RAE1: variants seen among roughly 807,000 people sequenced by gnomAD.
RAE1 encodes the protein ribonucleic acid export 1.
In RAE1, 13 loss-of-function variants were observed where a neutral mutation model predicts 52.7. The ratio of observed to expected loss-of-function variants is 0.25; its 90% confidence interval spans 0.16 to 0.39. RAE1 has a LOEUF of 0.39. Ranked by LOEUF, RAE1 falls within the 10% of genes least tolerant of loss-of-function variation. RAE1 has a pLI of 1.00. For missense variants in RAE1, 262 were observed against 459.8 expected (o/e 0.57, Z 3.93); for synonymous variants, 164 against 153.1 (o/e 1.07, Z -0.52).
intron 1 of RAE1, chr20:57,352,033 G>C (rs569139563): frequency 2.1e-6 from 2 of 939,576 alleles, no homozygotes; most frequent in Non-Finnish European, 2.5e-6. Context: ...AGCATTCTGG[G>C]GGGGAAGAGA....
rs902784551 is a variant in RAE1 at position 57,365,036 on chromosome 20, T to G, written c.289-320T>G. Among the ~76,000 whole-genome samples the G allele has an allele frequency of 1.3e-4, 20 of 152,144 alleles. 1 individual carries two copies. Among genetic ancestry groups the G allele is most frequent in the Non-Finnish European group, 1.5e-5 (1 of 68,034 alleles). On this transcript the variant is annotated intron_variant, in intron 4 of 11. Transcript: ENST00000395841. ...AATTTTATCAAAATAAGAAAAAAAT[T>G]TTAAAGTGGTCCATGGTTGCTGCTG...
At chr20:57,366,510 AG>A (rs1430953254) in intron 5 of RAE1, among the ~76,000 whole-genome samples, 1 of 152,214 alleles carries the variant, frequency 6.6e-6, no homozygotes, top group African/African-American at 2.4e-5. Context: ...CAGATCTCAG[AG>A]AACTCACTAT....
At chr20:57,361,006 C>T (rs1234704105) in intron 4 of RAE1, among the ~76,000 whole-genome samples, 1 of 152,044 alleles carries the variant, frequency 6.6e-6, no homozygotes, top group East Asian at 1.9e-4. Context: ...TTTGTGGACC[C>T]ATCTAGACAT....
intron 10 of RAE1, 145 bp from the exon 11 acceptor site, chr20:57,374,462 A>C: frequency 1.3e-6 from 1 of 780,246 alleles, no homozygotes; most frequent in Non-Finnish European, 2.1e-6. Context: ...AAGCCTGGAT[A>C]GTTTCTCTTG....
intron 1 of RAE1, chr20:57,352,113 C>A: frequency 2.4e-6 from 1 of 420,810 alleles, no homozygotes; most frequent in Non-Finnish European, 3.2e-6. Context: ...GGCAAAGAAG[C>A]GTCTGAGGAG....
intron 1 of RAE1, among the ~76,000 whole-genome samples, chr20:57,353,629 C>T (rs1389481480): frequency 6.6e-6 from 1 of 152,206 alleles, no homozygotes; most frequent in Admixed American, 6.5e-5. Context: ...AGCACGGGGA[C>T]CTGCGATCTT....
At chr20:57,366,728 C>A in intron 5 of RAE1, 79 bp from the exon 6 acceptor site, 3 of 1,357,882 alleles carry the variant, frequency 2.2e-6, no homozygotes, top group Non-Finnish European at 3.1e-6. Flanking sequence ...AGTTTCTTCC[C>A]TTTGAATTGC....
intron 7 of RAE1, among the ~76,000 whole-genome samples, chr20:57,367,826 C>T (rs147614430): frequency 2.1e-4 from 32 of 151,780 alleles, no homozygotes; most frequent in African/African-American, 7.2e-4. Context: ...CCAACAATCC[C>T]GTAATTCCAC....
rs758746839 is a variant in RAE1 at position 57,366,827 on chromosome 20, C to T, written c.396C>T (p.Thr132=). ...GAAAGCATGATGCTCCTGTTAAAAC[C>T]ATCCATTGGATCAAAGCTCCAAACT... ...QIAQHDAPVK[T]IHWIKAPNYS... The change falls in exon 6 of 12, where the codon ACC becomes ACT. Residue 132 remains threonine (T), a synonymous_variant. Coordinates refer to ENST00000395841, the MANE Select transcript of RAE1 (RefSeq NM_003610.4). The T allele has an allele frequency of 2.8e-5, 45 of 1,613,146 alleles. No homozygotes were observed. Among genetic ancestry groups the T allele is most frequent in the African/African-American group, 4.0e-5 (3 of 74,872 alleles).
chr20:57,368,009 C>T (rs1430017587), intron 7 of RAE1, among the ~76,000 whole-genome samples: 2 of 152,116 alleles, frequency 1.3e-5, no homozygotes, highest in Non-Finnish European at 2.9e-5. Context: ...CCTGCTTCAG[C>T]CTCCCGTTAA....
chr20:57,357,250 T>C (rs575083080), intron 4 of RAE1, among the ~76,000 whole-genome samples: 1 of 152,176 alleles, frequency 6.6e-6, no homozygotes, highest in South Asian at 2.1e-4. Context: ...TTCTCTTCCT[T>C]CCTTTTGTCG....
At chr20:57,367,627 C>A (rs2066975536) in intron 7 of RAE1, among the ~76,000 whole-genome samples, 1 of 151,014 alleles carries the variant, frequency 6.6e-6, no homozygotes, top group Non-Finnish European at 1.5e-5. Context: ...GTAATCCTAG[C>A]TATTCGGGAG....
intron 2 of RAE1, 98 bp from the exon 3 acceptor site, chr20:57,354,614 C>A: frequency 1.2e-6 from 1 of 802,904 alleles, no homozygotes; most frequent in Non-Finnish European, 1.9e-6. Context: ...TTCTTGTACA[C>A]AAGGAAAGGC....
chr20:57,375,136 C>T, intron 11 of RAE1: 3 of 637,148 alleles, frequency 4.7e-6, no homozygotes, highest in South Asian at 1.8e-5. Flanking sequence ...CGCCTGGGTG[C>T]TGTTGGTTGC....
At chr20:57,377,941 C>T in intron 11 of RAE1, 72 bp from the exon 12 acceptor site, 2 of 1,142,412 alleles carry the variant, frequency 1.8e-6, no homozygotes, top group Admixed American at 4.3e-5. Context: ...AGGACTTCAC[C>T]TAGAAAAAGC....
intron 8 of RAE1, chr20:57,372,632 C>T (rs1013029938): frequency 6.6e-6 from 1 of 152,230 alleles, no homozygotes; most frequent in African/African-American, 2.4e-5. Flanking sequence ...GCAAACAGTA[C>T]AGGAATGAAA....
chr20:57,352,750 A>C (rs1317897081), intron 1 of RAE1, among the ~76,000 whole-genome samples: 3 of 152,184 alleles, frequency 2.0e-5, no homozygotes, highest in Non-Finnish European at 4.4e-5. Flanking sequence ...TCTGTGAAGT[A>C]GATATTAGTG....
chr20:57,351,289 G>A lies in RAE1; in HGVS notation c.-141G>A. ...GTAGTCAGGGCAGTTTCTACCGCAG[G>A]CTTAAGGAGGCTTCGGGCTCCTGGG... On this transcript the variant is annotated 5_prime_UTR_variant, in exon 1 of 12. Transcript: ENST00000395841. 2 of 985,448 alleles carry A rather than the reference G, an allele frequency of 2.0e-6. No homozygotes were observed. The highest frequency in any genetic ancestry group is 1.1e-4 in the East Asian group (1 of 8,814). The allele number at this position is 985,448 out of a possible 1,614,324, so 61.0% of individuals were successfully genotyped here. A position where few individuals can be genotyped will look rare whatever the true frequency, so the allele number is the denominator to read the frequency against.
chr20:57,370,382 T>C (rs1264356166), intron 8 of RAE1, among the ~76,000 whole-genome samples: 1 of 152,218 alleles, frequency 6.6e-6, no homozygotes, highest in Non-Finnish European at 1.5e-5. Flanking sequence ...ACCCGCTACC[T>C]CTGTGGCTCT....
Sources: gnomAD v4.1 joint callset for allele counts (sites outside exome capture counted in the v4.1 genomes callset) on GRCh38, gnomAD v4.1.1 for gene constraint, MANE v1.5 for transcripts, NCBI Gene and HGNC (gene_info 2026-07-23, HGNC 2026-07-21) for gene names.